The following ERI3 variants were observed in gnomAD, a reference collection of about 807,000 sequenced individuals.
The protein encoded by ERI3 is ERI1 exoribonuclease 3.
A neutral mutation model predicts 44.4 loss-of-function variants in ERI3; 18 were observed. That is an observed-to-expected ratio of 0.41 (90% CI 0.28 to 0.60). The LOEUF (loss-of-function observed/expected upper bound fraction) is 0.60, where lower values mean the gene tolerates loss of function less well. Among genes scored for constraint, ERI3 ranks in the 20% least tolerant of loss-of-function variants. ERI3 has a pLI of 0.36. For synonymous variants in ERI3, 183 were observed against 164.8 expected (o/e 1.11, Z -0.84); for missense variants, 294 against 435.5 (o/e 0.68, Z 2.89).
Position 44,221,689 on chromosome 1 carries a change from A to T in ERI3, c.932-49T>A. On this transcript the variant is annotated intron_variant, in intron 8 of 8. Coordinates refer to ENST00000372257, the MANE Select transcript of ERI3 (RefSeq NM_024066.3). The surrounding 1 kb of genome is among the most constrained non-coding windows in gnomAD (Gnocchi z 5.9). ...GATCAGCCCCAGATCCTTCCCCTCC[A>T]TGCCCACAGGTGCTCTTACAAGGGT... 6.8e-7 allele frequency: 1 copy of T among 1,472,860 alleles called. No homozygotes were observed. Among genetic ancestry groups the T allele is most frequent in the Non-Finnish European group, 9.5e-7 (1 of 1,052,508 alleles). The allele number at this position is 1,472,860 out of a possible 1,614,324, so 91.2% of individuals were successfully genotyped here.
chr1:44,350,887 T>C (rs1054211954), intron 2 of ERI3, among the ~76,000 whole-genome samples: 1 of 151,680 alleles, frequency 6.6e-6, no homozygotes, highest in Non-Finnish European at 1.5e-5. Context: ...TGCCCAGCCA[T>C]ATACTCAATT....
chr1:44,248,932 G>GC lies in ERI3; in HGVS notation c.832-895_832-894insG, dbSNP rs149123246. Among the ~76,000 whole-genome samples, 826 of 152,212 alleles carry GC rather than the reference G, an allele frequency of 5.4e-3. 7 individuals are homozygous for GC. The highest frequency in any genetic ancestry group is 0.019 in the African/African-American group (780 of 41,536). Reference sequence around the variant, plus strand: ...GGCTGCCAGCAACCTCCACCTGGGGGGGGGACACACGGCAGCTCAGGGGCA... The same window carrying GC: ...GGCTGCCAGCAACCTCCACCTGGGGGCGGGGACACACGGCAGCTCAGGGGCA... On this transcript the variant is annotated intron_variant, in intron 7 of 8. Transcript: ENST00000372257.
chr1:44,329,375 G>GC (rs1428413297), intron 3 of ERI3, among the ~76,000 whole-genome samples: 1 of 152,140 alleles, frequency 6.6e-6, no homozygotes, highest in African/African-American at 2.4e-5. Context: ...TTTCAGGTCT[G>GC]CCCCCGACAT....
chr1:44,267,954 G>A (rs921080377), intron 7 of ERI3, among the ~76,000 whole-genome samples: 1 of 152,244 alleles, frequency 6.6e-6, no homozygotes, highest in Admixed American at 6.5e-5. Flanking sequence ...GGCACTAGCA[G>A]GGACTAGCTC....
At chr1:44,247,818 T>G (rs1226587679) in intron 8 of ERI3, 121 bp downstream of exon 8, 675 of 513,630 alleles carry the variant, frequency 1.3e-3, no homozygotes, top group East Asian at 4.7e-3. Flanking sequence ...CCCCCACCTA[T>G]GTAGAGAGCC....
intron 8 of ERI3, among the ~76,000 whole-genome samples, chr1:44,245,595 A>G (rs1644538424): frequency 6.6e-6 from 1 of 152,126 alleles, no homozygotes; most frequent in Non-Finnish European, 1.5e-5. Flanking sequence ...CCCTTACTCC[A>G]TTGTCACTCA....
intron 7 of ERI3, among the ~76,000 whole-genome samples, chr1:44,259,689 G>GACACACACACACACACAT (rs1644849294): frequency 7.1e-6 from 1 of 140,282 alleles, no homozygotes; most frequent in African/African-American, 2.8e-5. Flanking sequence ...AAAACACACA[G>GACACACACACACACACAT]ACACACACAC....
intron 3 of ERI3, among the ~76,000 whole-genome samples, chr1:44,328,470 A>G (rs1185131058): frequency 6.6e-6 from 1 of 152,148 alleles, no homozygotes; most frequent in East Asian, 1.9e-4. Flanking sequence ...ACAGCCCTCC[A>G]GGTGACTCTG....
chr1:44,270,677 C>T (rs970732795), intron 7 of ERI3, among the ~76,000 whole-genome samples: 1 of 152,186 alleles, frequency 6.6e-6, no homozygotes, highest in African/African-American at 2.4e-5. Flanking sequence ...TAAGCAGCAG[C>T]CAGCAAGAGA....
chr1:44,267,506 T>C (rs910859421), intron 7 of ERI3, among the ~76,000 whole-genome samples: 4 of 152,140 alleles, frequency 2.6e-5, no homozygotes, highest in Admixed American at 6.5e-5. Context: ...GGACAGATAA[T>C]GGGCATTTTA....
chr1:44,328,838 T>C (rs1646369713), intron 3 of ERI3, among the ~76,000 whole-genome samples: 1 of 152,182 alleles, frequency 6.6e-6, no homozygotes, highest in Non-Finnish European at 1.5e-5. Context: ...TGACCCACTT[T>C]AAGCACCCGA....
At chr1:44,299,302 C>T (rs146093533) in intron 6 of ERI3, among the ~76,000 whole-genome samples, 3 of 152,224 alleles carry the variant, frequency 2.0e-5, no homozygotes, top group African/African-American at 7.2e-5. Flanking sequence ...CCAGCCTCAG[C>T]CTCCTGAGTA....
chr1:44,320,794 T>C (rs1646185587), intron 3 of ERI3, among the ~76,000 whole-genome samples: 2 of 152,094 alleles, frequency 1.3e-5, no homozygotes, highest in Non-Finnish European at 1.5e-5. Flanking sequence ...TGAAAACATC[T>C]GGAAGAGACA....
chr1:44,270,069 A>T (rs1371100917), intron 7 of ERI3, among the ~76,000 whole-genome samples: 2 of 152,144 alleles, frequency 1.3e-5, no homozygotes, highest in Non-Finnish European at 1.5e-5. Context: ...CCTTGAAGGA[A>T]GTTACCCTGT....
intron 5 of ERI3, among the ~76,000 whole-genome samples, chr1:44,310,820 A>C (rs528112284): frequency 1.3e-5 from 2 of 152,184 alleles, no homozygotes; most frequent in South Asian, 4.2e-4. Context: ...TGTGGTCTCT[A>C]AACCCTCTTT....
chr1:44,247,206 G>A (rs1199676900), intron 8 of ERI3, among the ~76,000 whole-genome samples: 1 of 152,118 alleles, frequency 6.6e-6, no homozygotes, highest in Non-Finnish European at 1.5e-5. Flanking sequence ...TATACTCTGA[G>A]TCTGACACAG....
chr1:44,297,993 G>C (rs325156), intron 6 of ERI3, among the ~76,000 whole-genome samples: 3 of 152,082 alleles, frequency 2.0e-5, no homozygotes, highest in Admixed American at 2.0e-4. Context: ...CTGCCAAGGT[G>C]GCAAGGGCTT....
chr1:44,235,424 C>T lies in ERI3; in HGVS notation c.931+12515G>A, dbSNP rs189972514. ...GTTAGGAACCTCTTCTGTGTGCTCC[C>T]ACAGCAGCCAATTCTCCGCCTATCG... On this transcript the variant is annotated intron_variant, in intron 8 of 8. Transcript: ENST00000372257. This position sits in a 1 kb window ranked among gnomAD's most constrained non-coding sequence, Gnocchi z 4.6. 4.1e-4 allele frequency among the ~76,000 whole-genome samples: 63 copies of T among 152,290 alleles called. No individual in the cohort carries two copies. The highest frequency in any genetic ancestry group is 7.2e-4 in the Admixed American group (11 of 15,300).
At chr1:44,328,444 A>G (rs1045785552) in intron 3 of ERI3, among the ~76,000 whole-genome samples, 2 of 152,074 alleles carry the variant, frequency 1.3e-5, no homozygotes, top group Admixed American at 6.6e-5. Context: ...GGATGGGGCC[A>G]ACAGCCTTGG....
Sources: allele counts gnomAD v4.1 joint callset (sites outside exome capture counted in the v4.1 genomes callset), GRCh38; gene constraint gnomAD v4.1.1; non-coding constraint Gnocchi (gnomAD v3.1); transcripts MANE v1.5; gene names NCBI Gene and HGNC (gene_info 2026-07-23, HGNC 2026-07-21).